Variants in NRAP observed in about 807,000 individuals in gnomAD.
NRAP encodes the protein nebulin-related-anchoring protein.
A neutral mutation model predicts 225.9 loss-of-function variants in NRAP; 189 were observed. That is an observed-to-expected ratio of 0.84 (90% CI 0.74 to 0.94). The LOEUF is 0.94. Ranked by LOEUF, NRAP falls within the 40% of genes least tolerant of loss-of-function variation. The pLI is 0.00. For missense variants in NRAP, 2,176 were observed against 2,168.7 expected, an observed-to-expected ratio of 1.00 and a Z score of -0.07; for synonymous variants, 769 against 790.7, an observed-to-expected ratio of 0.97 and a Z score of 0.46.
At chr10:113,652,861 T>C (rs1209074976) in intron 6 of NRAP, 74 bp downstream of exon 6, 3 of 978,202 alleles carry the variant, frequency 3.1e-6, no homozygotes, top group Non-Finnish European at 4.9e-6. Flanking sequence ...TTACTGTTTT[T>C]TCCCTAAATC....
In NRAP at chr10:113,650,523, T is replaced by G. The variant is rs1403947778; in HGVS notation, c.698A>C (p.Glu233Ala). Residue 233 changes from glutamate (E) to alanine (A), a missense_variant, in exon 8 of 42, where the codon GAA becomes GCA. Coordinates refer to ENST00000359988, the MANE Select transcript of NRAP (RefSeq NM_198060.4). ...GAAACTGCCTTTCCCTCTTTGTTGT[T>G]CATAGTCCTCTGTGTATCTCACCTG... is the stretch of plus-strand genomic sequence containing the variant. ...QSDVRYTEDY[E>A]QQRGKGSFPA... is the part of the protein sequence containing the mutation. The G allele has an allele frequency of 1.9e-6, 3 of 1,612,858 alleles. No homozygotes were observed. In the African/African-American group the frequency reaches 4.0e-5, roughly 22 times the overall value.
At chr10:113,644,179 G>C (rs1049794088) in intron 11 of NRAP, among the ~76,000 whole-genome samples, 3 of 124,120 alleles carry the variant, frequency 2.4e-5, no homozygotes. Flanking sequence ...AGGCCAAAAT[G>C]TTAACAGTGT....
intron 35 of NRAP, among the ~76,000 whole-genome samples, chr10:113,604,382 T>G (rs1846800695): frequency 6.6e-6 from 1 of 152,196 alleles, no homozygotes; most frequent in South Asian, 2.1e-4. Flanking sequence ...CCCAAAGTGT[T>G]GGGATTACAG....
At chr10:113,610,637 G>A in intron 30 of NRAP, 74 bp from the exon 31 acceptor site, 1 of 850,756 alleles carries the variant, frequency 1.2e-6, no homozygotes, top group Non-Finnish European at 2.0e-6. Flanking sequence ...AAAACCAGAG[G>A]TCTCATGACA....
chr10:113,646,169 C>T (rs1162414704), intron 10 of NRAP, among the ~76,000 whole-genome samples: 1 of 152,062 alleles, frequency 6.6e-6, no homozygotes, highest in Admixed American at 6.5e-5. Context: ...ACTTTATACT[C>T]TAATTCTGCG....
rs1382976554 is a variant in NRAP at position 113,597,977 on chromosome 10, T to G, written c.4324A>C (p.Ile1442Leu). ...GGACAGGTTGATGGTACCTCGCTGATGAGTTCTCCAGCCTTCTTTGCACTC... is the reference window on the plus strand; with the variant it reads ...GGACAGGTTGATGGTACCTCGCTGAGGAGTTCTCCAGCCTTCTTTGCACTC... Reference protein sequence around the residue: ...MESAKKAGELISETKYRKKPD... With the variant: ...MESAKKAGELLSETKYRKKPD... The change falls in exon 36 of 42, where the codon ATC (isoleucine) becomes CTC (leucine). Residue 1442 changes from isoleucine (I) to leucine (L), a missense_variant. Ile to Leu is a conservative substitution (Grantham distance 5). This residue lies in a region of NRAP where 445 missense variants were observed against 426.1 expected (regional missense o/e 1.04). Coordinates refer to ENST00000359988, the MANE Select transcript of NRAP (RefSeq NM_198060.4). 1.2e-6 allele frequency: 2 copies of G among 1,608,442 alleles called. No individual in the cohort carries two copies. Among genetic ancestry groups the G allele is most frequent in the South Asian group, 2.2e-5 (2 of 90,970 alleles).
rs1188882074 is a variant in NRAP at position 113,592,115 on chromosome 10, G to T, written c.4644+79C>A. ...AGAGAGATAATCTTGACAGGTCCTG[G>T]TGGTTTGCCTTTCAACAGAACTGGG... is the stretch of plus-strand genomic sequence containing the variant. On this transcript the variant is annotated intron_variant, in intron 39 of 41. Coordinates refer to ENST00000359988, the MANE Select transcript of NRAP (RefSeq NM_198060.4). 4.0e-6 allele frequency: 3 copies of T among 758,830 alleles called. No individual in the cohort carries two copies. In the African/African-American group the frequency reaches 5.2e-5, roughly 13 times the overall value. The allele number at this position is 758,830 out of a possible 1,614,324, so 47.0% of individuals were successfully genotyped here.
At position 113,610,554 on chromosome 10, in the gene NRAP, G is replaced by A. The variant is rs534517669; in HGVS notation, c.3508C>T (p.Arg1170Trp). The change falls in exon 31 of 42, where the codon CGG becomes TGG. Residue 1170 changes from arginine (R) to tryptophan (W), a missense_variant. By Grantham distance (101) the Arg-to-Trp change is moderately radical. Around this residue, in one of 3 missense-constraint regions of NRAP, gnomAD observed 1,708 missense variants for 1,695.5 expected, o/e 1.01. Coordinates refer to ENST00000359988, the MANE Select transcript of NRAP (RefSeq NM_198060.4). ...AHKLQSENLY[R>W]SDLNFMRGVA... The stretch of plus-strand genomic sequence containing the variant: ...CCTCGCATAAAGTTCAGGTCTGACC[G>A]GTACAAATTCTAGAAGAAATAATAA... 45 of 1,584,178 alleles carry A rather than the reference G, an allele frequency of 2.8e-5. No individual in the cohort carries two copies. Among genetic ancestry groups the A allele is most frequent in the South Asian group, 9.9e-5 (9 of 90,508 alleles).
At chr10:113,646,154 T>C (rs745700287) in intron 10 of NRAP, among the ~76,000 whole-genome samples, 13 of 152,218 alleles carry the variant, frequency 8.5e-5, no homozygotes, top group Non-Finnish European at 1.6e-4. Context: ...TTTCACACTT[T>C]TTATACTTTA....
chr10:113,652,082 T>C (rs1351734267), intron 6 of NRAP, among the ~76,000 whole-genome samples, 175 bp from the exon 7 acceptor site: 1 of 152,184 alleles, frequency 6.6e-6, no homozygotes, highest in African/African-American at 2.4e-5. Flanking sequence ...GCCAATGTGC[T>C]AAGTCCAGGA....
At chr10:113,590,508 G>A (rs1057259624) in intron 40 of NRAP, 70 bp downstream of exon 40, 44 of 1,458,878 alleles carry the variant, frequency 3.0e-5, no homozygotes, top group Middle Eastern at 2.2e-4. Context: ...ATGGAACGTG[G>A]CATTATGGCC....
chr10:113,621,034 A>G (rs962637035), intron 24 of NRAP, among the ~76,000 whole-genome samples: 3 of 152,236 alleles, frequency 2.0e-5, no homozygotes, highest in Non-Finnish European at 2.9e-5. Flanking sequence ...CTGCATTACC[A>G]GTTTTCTTGT....
intron 9 of NRAP, 63 bp downstream of exon 9, chr10:113,649,974 G>T: frequency 1.1e-6 from 1 of 918,086 alleles, no homozygotes; most frequent in Non-Finnish European, 1.8e-6. Flanking sequence ...TCATAGCTGT[G>T]TCACAGCCTA....
At position 113,614,208 on chromosome 10, in the gene NRAP, A is replaced by G; in HGVS notation, c.3275T>C (p.Val1092Ala). 1 of 1,613,800 alleles carries G rather than the reference A, an allele frequency of 6.2e-7. No homozygotes were observed. The highest frequency in any genetic ancestry group is 8.5e-7 in the Non-Finnish European group (1 of 1,179,702). ...ATCACTCTGCAGTGAGGTCGCATAC[A>G]CTGAATGTGCAAGGCTGATATCATC... Reference protein sequence around the residue: ...LEDDISLAHSVYATSLQSDVN... With the variant: ...LEDDISLAHSAYATSLQSDVN... The change falls in exon 29 of 42, where the codon GTG becomes GCG. Residue 1092 changes from valine (V) to alanine (A), a missense_variant. Val to Ala is a moderately conservative substitution (Grantham distance 64, BLOSUM62 0). This residue lies in a region of NRAP where 1,708 missense variants were observed against 1,695.5 expected (regional missense o/e 1.01). Transcript: ENST00000359988.
rs564879026 is a variant in NRAP at position 113,626,825 on chromosome 10, T to G, written c.2146-680A>C. 5.9e-5 allele frequency among the ~76,000 whole-genome samples: 9 copies of G among 152,342 alleles called. No homozygotes were observed. In the South Asian group the frequency reaches 1.9e-3, roughly 32 times the overall value. On this transcript the variant is annotated intron_variant, in intron 20 of 41. Coordinates refer to ENST00000359988, the MANE Select transcript of NRAP (RefSeq NM_198060.4). ...GATCACTGAGGTCTTGTCCTCCTAG[T>G]GTCCCCATCTCACAGCCACAAATTA...
rs778266748 is a variant in NRAP at position 113,663,849 on chromosome 10, C to T, written c.34G>A (p.Gly12Arg). The change falls in exon 1 of 42, where the codon GGG becomes AGG. Residue 12 changes from glycine (G) to arginine (R), a missense_variant. Physicochemically the swap from Gly to Arg is moderately radical, Grantham distance 125 (BLOSUM62 -2). Coordinates refer to ENST00000359988, the MANE Select transcript of NRAP (RefSeq NM_198060.4). ...NVQPCSRCGY[G>R]VYPAEKISCI... ...CTGATCTTCTCGGCAGGATAAACCCCATACCCACACCTAGAACAGGGCTGC... is the reference window on the plus strand; with the variant it reads ...CTGATCTTCTCGGCAGGATAAACCCTATACCCACACCTAGAACAGGGCTGC... 22 of 1,613,836 alleles carry T rather than the reference C, an allele frequency of 1.4e-5. No individual in the cohort carries two copies. Among genetic ancestry groups the T allele is most frequent in the East Asian group, 2.2e-5 (1 of 44,890 alleles).
Position 113,608,484 on chromosome 10 carries a change from A to G in NRAP, c.3632T>C (p.Phe1211Ser). The G allele has an allele frequency of 6.2e-7, 1 of 1,613,128 alleles. No individual in the cohort carries two copies. Among genetic ancestry groups the G allele is most frequent in the Non-Finnish European group, 8.5e-7 (1 of 1,179,262 alleles). ...AGTGTCTGTCACAGCTGTGTACTTGAATGAGTGGGGATGCTGCCGATATTT... is the reference window on the plus strand; with the variant it reads ...AGTGTCTGTCACAGCTGTGTACTTGGATGAGTGGGGATGCTGCCGATATTT... ...ESKYRQHPHS[F>S]KYTAVTDTPN... Residue 1211 changes from phenylalanine (F) to serine (S), a missense_variant, in exon 32 of 42, where the codon TTC becomes TCC. By Grantham distance (155) the Phe-to-Ser change is radical. Around this residue, in one of 3 missense-constraint regions of NRAP, gnomAD observed 1,708 missense variants for 1,695.5 expected, o/e 1.01. Transcript: ENST00000359988.
At chr10:113,647,840 A>C (rs918765644) in intron 9 of NRAP, among the ~76,000 whole-genome samples, 1 of 152,222 alleles carries the variant, frequency 6.6e-6, no homozygotes, top group African/African-American at 2.4e-5. Flanking sequence ...TTTCAGACTA[A>C]GGATTATAAT....
intron 21 of NRAP, 128 bp from the exon 22 acceptor site, chr10:113,625,058 C>A (rs1848210581): frequency 3.2e-6 from 2 of 624,584 alleles, no homozygotes; most frequent in Admixed American, 2.6e-5. Context: ...ACAAAACCCA[C>A]CAGATCAGAC....
Sources: allele counts gnomAD v4.1 joint callset (sites outside exome capture counted in the v4.1 genomes callset), GRCh38; gene constraint gnomAD v4.1.1; regional missense constraint gnomAD v4.1.1; transcripts MANE v1.5; gene names NCBI Gene and HGNC (gene_info 2026-07-23, HGNC 2026-07-21).